Variants in TMEM94 observed in about 807,000 individuals in gnomAD.
TMEM94 encodes the protein ER Mg2+ ATPase.
TMEM94 carries 81 observed loss-of-function variants against 158.6 expected under a neutral mutation model. The ratio of observed to expected loss-of-function variants is 0.51; its 90% confidence interval spans 0.43 to 0.61. The LOEUF (loss-of-function observed/expected upper bound fraction) is 0.61, where lower values mean the gene tolerates loss of function less well. Ranked by LOEUF, TMEM94 falls within the 20% of genes least tolerant of loss-of-function variation. The pLI is 0.00. For missense variants in TMEM94, 1,435 were observed against 1,762.0 expected, an observed-to-expected ratio of 0.81 and a Z score of 3.32; for synonymous variants, 751 against 730.7, an observed-to-expected ratio of 1.03 and a Z score of -0.45.
In TMEM94 at chr17:75,493,763, A is replaced by C; in HGVS notation, c.2254A>C (p.Lys752Gln). The C allele has an allele frequency of 1.2e-6, 2 of 1,614,114 alleles. No homozygotes were observed. The highest frequency in any genetic ancestry group is 1.7e-6 in the Non-Finnish European group (2 of 1,180,026). Residue 752 changes from lysine to glutamine, a missense_variant, in exon 18 of 32, where the codon AAG becomes CAG. Transcript: ENST00000314256. ...LSGYCSAFAY[K>Q]PMNCALSSQL... ...TGGGTATTGCTCTGCCTTCGCCTAC[A>C]AGCCCATGAACTGCGCCCTGTCCTC...
rs8082606 is a variant in TMEM94 at position 75,495,403 on chromosome 17, C to T, written c.2844+4C>T. ...CTTCCTGGAGGACTCCAACCGGGTA[C>T]GATGGCAGGATCTGTCTCACGTGTT... On this transcript the variant is annotated splice_donor_region_variant and intron_variant, in intron 21 of 31. Coordinates refer to ENST00000314256, the MANE Select transcript of TMEM94 (RefSeq NM_014738.6). This position sits in a 1 kb window ranked among gnomAD's most constrained non-coding sequence, Gnocchi z 5.6. The T allele has an allele frequency of 0.092, 147,571 of 1,611,358 alleles. 7,222 individuals are homozygous for T. Among genetic ancestry groups the T allele is most frequent in the Non-Finnish European group, 0.1 (118,832 of 1,177,842 alleles).
chr17:75,460,019 TA>T (rs1211709781), intron 1 of TMEM94, among the ~76,000 whole-genome samples: 2 of 152,068 alleles, frequency 1.3e-5, no homozygotes, highest in African/African-American at 4.8e-5. Context: ...GTTTGTGTAA[TA>T]ATAAGCTTTG....
At position 75,489,423 on chromosome 17, in the gene TMEM94, C is replaced by T. The variant is rs116876107; in HGVS notation, c.867+55C>T. 9.2e-3 allele frequency: 14,385 copies of T among 1,563,582 alleles called. 90 individuals carry two copies. The highest frequency in any genetic ancestry group is 0.012 in the Non-Finnish European group (13,060 of 1,134,870). ...ATGGGGCAGAGGAGAGGGCTGGACA[C>T]GGGGGGGTCTCAGGGCCACTCACAT... is the stretch of plus-strand genomic sequence containing the variant. On this transcript the variant is annotated intron_variant, in intron 8 of 31. Transcript: ENST00000314256. The surrounding 1 kb of genome is among the most constrained non-coding windows in gnomAD (Gnocchi z 5.0).
At position 75,489,266 on chromosome 17, in the gene TMEM94, A is replaced by G; in HGVS notation, c.765A>G (p.Arg255=). ...GACTGACAGTCACTTCTTTCTGCAG[A>G]TGGTGCCTGGACATGGCCCTGTCCC... ...VLETPVIDNI[R]WCLDMALSRP... is the part of the protein sequence containing the mutation. The change falls in exon 8 of 32, where the codon AGA becomes AGG. Residue 255 remains arginine (R), a splice_region_variant and synonymous_variant. Transcript: ENST00000314256. The surrounding 1 kb of genome is among the most constrained non-coding windows in gnomAD (Gnocchi z 5.0). 1 of 1,614,044 alleles carries G rather than the reference A, an allele frequency of 6.2e-7. No individual in the cohort carries two copies. The highest frequency in any genetic ancestry group is 1.1e-5 in the South Asian group (1 of 91,088).
chr17:75,492,111 G>T lies in TMEM94; in HGVS notation c.1596+211G>T. On this transcript the variant is annotated intron_variant, in intron 14 of 31. Coordinates refer to ENST00000314256, the MANE Select transcript of TMEM94 (RefSeq NM_014738.6). The surrounding 1 kb of genome is among the most constrained non-coding windows in gnomAD (Gnocchi z 4.4). ...CCCCTACCCTTCCATTCTTGTAATC[G>T]CAATCACTGGTGTCCCTACTGGAAC... 1 of 779,044 alleles carries T rather than the reference G, an allele frequency of 1.3e-6. No homozygotes were observed. Among genetic ancestry groups the T allele is most frequent in the Non-Finnish European group, 2.0e-6 (1 of 499,206 alleles). 48.3% of individuals were successfully genotyped at this position (779,044 alleles called of 1,614,324 possible).
chr17:75,495,862 C>A lies in TMEM94; in HGVS notation c.2945-104C>A. 1 of 886,546 alleles carries A rather than the reference C, an allele frequency of 1.1e-6. No homozygotes were observed. The highest frequency in any genetic ancestry group is 1.8e-6 in the Non-Finnish European group (1 of 557,088). 54.9% of individuals were successfully genotyped at this position (886,546 alleles called of 1,614,324 possible). A position where few individuals can be genotyped will look rare whatever the true frequency, so the allele number is the denominator to read the frequency against. ...GGGGTGGGATTGTTTCAAAGAGGGG[C>A]CCACCTCCCATCGCCTCCTGCTCTC... On this transcript the variant is annotated intron_variant, in intron 22 of 31. Coordinates refer to ENST00000314256, the MANE Select transcript of TMEM94 (RefSeq NM_014738.6). The surrounding 1 kb of genome is among the most constrained non-coding windows in gnomAD (Gnocchi z 5.6).
At position 75,497,403 on chromosome 17, in the gene TMEM94, G is replaced by GAGTGC. The variant is rs2052819643; in HGVS notation, c.3407+207_3407+211dup. The stretch of plus-strand genomic sequence containing the variant: ...GAGTCTCGCTCTGTCACCCAGGCTG[G>GAGTGC]AGTGCAATGGTGCAATCTCTGCTCA... On this transcript the variant is annotated intron_variant, in intron 26 of 31. Transcript: ENST00000314256. 8.4e-5 allele frequency among the ~76,000 whole-genome samples: 12 copies of GAGTGC among 142,016 alleles called. No homozygotes were observed. The Admixed American group carries it at 8.9e-4, about 11-fold the overall frequency. The allele number at this position is 142,016 out of a possible 152,430, so 93.2% of individuals were successfully genotyped here. A position where few individuals can be genotyped will look rare whatever the true frequency, so the allele number is the denominator to read the frequency against.
At position 75,498,410 on chromosome 17, in the gene TMEM94, C is replaced by T. The variant is rs781171839; in HGVS notation, c.3639-34C>T. 2.5e-6 allele frequency: 4 copies of T among 1,605,590 alleles called. No homozygotes were observed. The highest frequency in any genetic ancestry group is 3.4e-6 in the Non-Finnish European group (4 of 1,175,178). ...CACCCCAGCCTACCTCCCTGCGGCCCTAGAGGGGCTGAGCCCATGCCTCAC... is the reference window on the plus strand; with the variant it reads ...CACCCCAGCCTACCTCCCTGCGGCCTTAGAGGGGCTGAGCCCATGCCTCAC... On this transcript the variant is annotated intron_variant, in intron 28 of 31. Transcript: ENST00000314256. This position sits in a 1 kb window ranked among gnomAD's most constrained non-coding sequence, Gnocchi z 6.7.
intron 16 of TMEM94, 188 bp downstream of exon 16, chr17:75,493,290 G>A: frequency 1.2e-6 from 1 of 845,140 alleles, no homozygotes; most frequent in Non-Finnish European, 1.8e-6. Context: ...CAGAGGCCGG[G>A]ATTGTCCAAA....
chr17:75,462,001 G>GTTT (rs1230233393), intron 1 of TMEM94, among the ~76,000 whole-genome samples: 3,196 of 85,380 alleles, frequency 0.037, 708 homozygotes, highest in South Asian at 0.057. Context: ...TTTTTGTTTT[G>GTTT]TTTTGTTTTG....
intron 2 of TMEM94, among the ~76,000 whole-genome samples, chr17:75,472,867 C>A (rs2050549922): frequency 6.6e-6 from 1 of 152,194 alleles, no homozygotes; most frequent in Admixed American, 6.5e-5. Flanking sequence ...GTTCTTCCTT[C>A]AAGACCTAGT....
At chr17:75,463,033 AAAAAATATATATATATAT>A (rs1206862562) in intron 1 of TMEM94, among the ~76,000 whole-genome samples, 6 of 5,202 alleles carry the variant, frequency 1.2e-3, no homozygotes, top group African/African-American at 2.3e-3. Context: ...AAAAAAAAAA[AAAAAATATATATATATAT>A]ATATATATAT....
chr17:75,487,906 T>C lies in TMEM94; in HGVS notation c.410-26T>C, dbSNP rs1341964372. 6.3e-7 allele frequency: 1 copy of C among 1,586,592 alleles called. No homozygotes were observed. Among genetic ancestry groups the C allele is most frequent in the Non-Finnish European group, 8.7e-7 (1 of 1,155,992 alleles). ...GGGGCAGGGCCGTGGCTGAGAGGGTTGTTTCCCTCTTTCCATTCCCCTCAG... is the reference window on the plus strand; with the variant it reads ...GGGGCAGGGCCGTGGCTGAGAGGGTCGTTTCCCTCTTTCCATTCCCCTCAG... On this transcript the variant is annotated intron_variant, in intron 5 of 31. Coordinates refer to ENST00000314256, the MANE Select transcript of TMEM94 (RefSeq NM_014738.6). The surrounding 1 kb of genome is among the most constrained non-coding windows in gnomAD (Gnocchi z 4.6).
intron 2 of TMEM94, among the ~76,000 whole-genome samples, chr17:75,481,547 T>C (rs2051160497): frequency 6.6e-6 from 1 of 152,142 alleles, no homozygotes; most frequent in Non-Finnish European, 1.5e-5. Flanking sequence ...ACTTATGGGA[T>C]GTGTGCCCTG....
In TMEM94 at chr17:75,498,584, C is replaced by T. The variant is rs1290549048; in HGVS notation, c.3734-45C>T. ...GGCGTGGATGATGGTGGGAGAGGAG[C>T]CCCACTGTGGAAGTCTGACCCCCAC... On this transcript the variant is annotated intron_variant, in intron 29 of 31. Transcript: ENST00000314256. The surrounding 1 kb of genome is among the most constrained non-coding windows in gnomAD (Gnocchi z 6.7). The T allele has an allele frequency of 1.9e-6, 3 of 1,612,910 alleles. No individual in the cohort carries two copies. In the South Asian group the frequency reaches 3.3e-5, roughly 18 times the overall value.
At chr17:75,465,873 A>T (rs916064769) in intron 1 of TMEM94, among the ~76,000 whole-genome samples, 15 of 151,122 alleles carry the variant, frequency 9.9e-5, no homozygotes, top group Non-Finnish European at 1.8e-4. Flanking sequence ...AAGAGTGGAA[A>T]TTTTTTTTAT....
At chr17:75,497,524 T>C (rs1209154846) in intron 26 of TMEM94, among the ~76,000 whole-genome samples, 2 of 152,078 alleles carry the variant, frequency 1.3e-5, no homozygotes, top group African/African-American at 4.8e-5. Flanking sequence ...TGGCTAATTT[T>C]TGTATTTTTA....
In TMEM94 at chr17:75,485,576, C is replaced by A; in HGVS notation, c.144+29C>A. 1.2e-6 allele frequency: 2 copies of A among 1,613,860 alleles called. No homozygotes were observed. Among genetic ancestry groups the A allele is most frequent in the Non-Finnish European group, 1.7e-6 (2 of 1,179,826 alleles). ...AAGCTTCTTCTCGGGGCTACCAGGG[C>A]CTGGCTGGGATGGCAGGGAAGTGTG... is the stretch of plus-strand genomic sequence containing the variant. On this transcript the variant is annotated intron_variant, in intron 3 of 31. Coordinates refer to ENST00000314256, the MANE Select transcript of TMEM94 (RefSeq NM_014738.6). The surrounding 1 kb of genome is among the most constrained non-coding windows in gnomAD (Gnocchi z 5.5).
At chr17:75,486,597 G>A (rs1380129866) in intron 5 of TMEM94, among the ~76,000 whole-genome samples, 171 bp downstream of exon 5, 2 of 152,208 alleles carry the variant, frequency 1.3e-5, no homozygotes, top group African/African-American at 4.8e-5. Flanking sequence ...GCAGGGCAGT[G>A]AGAGCTGTGG....
Sources: allele counts gnomAD v4.1 joint callset (sites outside exome capture counted in the v4.1 genomes callset), GRCh38; gene constraint gnomAD v4.1.1; non-coding constraint Gnocchi (gnomAD v3.1); transcripts MANE v1.5; gene names NCBI Gene and HGNC (gene_info 2026-07-23, HGNC 2026-07-21).